Variants in PLPPR1 observed in about 807,000 individuals in gnomAD.
PLPPR1 encodes the protein phospholipid phosphatase related 1.
A neutral mutation model predicts 33.1 loss-of-function variants in PLPPR1; 10 were observed. The ratio of observed to expected loss-of-function variants is 0.30; its 90% CI spans 0.19 to 0.51. The LOEUF (loss-of-function observed/expected upper bound fraction) is 0.51, where lower values mean the gene tolerates loss of function less well. PLPPR1 is among the 20% of genes least tolerant of loss of function. The pLI, the probability that PLPPR1 is intolerant of heterozygous loss-of-function variation, is 0.97. For missense variants in PLPPR1, 304 were observed against 408.1 expected, an observed-to-expected ratio of 0.74 and a Z score of 2.20; for synonymous variants, 151 against 151.0, an observed-to-expected ratio of 1.00 and a Z score of 0.00.
At chr9:101,118,674 C>A (rs1450447020) in intron 1 of PLPPR1, among the ~76,000 whole-genome samples, 1 of 152,216 alleles carries the variant, frequency 6.6e-6, no homozygotes, top group Non-Finnish European at 1.5e-5. Flanking sequence ...AGCCTGTAGA[C>A]AATGTTGATC....
At chr9:101,244,395 G>A (rs931325821) in intron 2 of PLPPR1, among the ~76,000 whole-genome samples, 18 of 151,908 alleles carry the variant, frequency 1.2e-4, no homozygotes, top group Admixed American at 2.0e-4. Flanking sequence ...ATAATTAATA[G>A]GGTTACAAGA....
chr9:101,109,212 G>A (rs1414479207), intron 1 of PLPPR1, among the ~76,000 whole-genome samples: 2 of 144,806 alleles, frequency 1.4e-5, no homozygotes, highest in South Asian at 2.2e-4. Flanking sequence ...CTGACGTCAC[G>A]ATCCGCCGGC....
intron 2 of PLPPR1, among the ~76,000 whole-genome samples, 161 bp downstream of exon 2, chr9:101,185,718 A>T (rs999711502): frequency 6.6e-6 from 1 of 151,912 alleles, no homozygotes; most frequent in Non-Finnish European, 1.5e-5. Flanking sequence ...AGTGTTTCTT[A>T]AATAGGAAGT....
chr9:101,090,176 A>G (rs540471481), intron 1 of PLPPR1, among the ~76,000 whole-genome samples: 2 of 152,064 alleles, frequency 1.3e-5, no homozygotes, highest in Non-Finnish European at 2.9e-5. Context: ...TTTTTATATA[A>G]CGACATGAGC....
At chr9:101,179,560 A>G (rs935182858) in intron 1 of PLPPR1, among the ~76,000 whole-genome samples, 18 of 152,128 alleles carry the variant, frequency 1.2e-4, no homozygotes, top group African/African-American at 4.1e-4. Context: ...TGTTAACTTT[A>G]TGTATTTGGG....
At chr9:101,221,565 C>G (rs2118791947) in intron 2 of PLPPR1, among the ~76,000 whole-genome samples, 1 of 152,266 alleles carries the variant, frequency 6.6e-6, no homozygotes, top group East Asian at 1.9e-4. Flanking sequence ...TTTTTGAGCA[C>G]TTACTGCATG....
chr9:101,288,065 C>A (rs28490420), intron 4 of PLPPR1, among the ~76,000 whole-genome samples: 7,775 of 152,058 alleles, frequency 0.051, 350 homozygotes, highest in African/African-American at 0.11. Flanking sequence ...CTTTTGTGAC[C>A]CACCCACTTG....
chr9:101,152,416 G>A (rs554002906), intron 1 of PLPPR1, among the ~76,000 whole-genome samples: 16 of 152,282 alleles, frequency 1.1e-4, no homozygotes, highest in African/African-American at 3.4e-4. Flanking sequence ...GATCCCATTT[G>A]TCAATTTTGG....
At chr9:101,169,982 G>GA (rs1445824107) in intron 1 of PLPPR1, among the ~76,000 whole-genome samples, 8 of 151,790 alleles carry the variant, frequency 5.3e-5, no homozygotes, top group Middle Eastern at 3.4e-3. Flanking sequence ...ACCTGCTGAG[G>GA]ATTGACCCAA....
In PLPPR1 at chr9:101,265,518, CACCAGTG is replaced by C. The variant is rs1461838092; in HGVS notation, c.64-4359_64-4353del. On this transcript the variant is annotated intron_variant, in intron 2 of 7. Coordinates refer to ENST00000374874, the MANE Select transcript of PLPPR1 (RefSeq NM_207299.2). ...CAGAGATAGCAAGTGTGCCAGCTGG[CACCAGTG>C]ACATAAACATAGACAGTGATAAATC... is the stretch of plus-strand genomic sequence containing the variant. 2.0e-5 allele frequency among the ~76,000 whole-genome samples: 3 copies of C among 152,278 alleles called. No individual in the cohort carries two copies. In the East Asian group the frequency reaches 5.8e-4, roughly 29 times the overall value.
chr9:101,300,516 C>T (rs1389291762), intron 4 of PLPPR1, among the ~76,000 whole-genome samples: 1 of 152,092 alleles, frequency 6.6e-6, no homozygotes, highest in African/African-American at 2.4e-5. Flanking sequence ...ATGCATCAAG[C>T]AGAGGGCAAC....
intron 2 of PLPPR1, among the ~76,000 whole-genome samples, chr9:101,269,133 A>G (rs1383387730): frequency 6.6e-6 from 1 of 152,212 alleles, no homozygotes; most frequent in Non-Finnish European, 1.5e-5. Context: ...GCTAAAAACT[A>G]TATCTAAACT....
At chr9:101,287,659 A>T (rs1423894603) in intron 4 of PLPPR1, among the ~76,000 whole-genome samples, 1 of 151,872 alleles carries the variant, frequency 6.6e-6, no homozygotes, top group African/African-American at 2.4e-5. Context: ...TGTCCCTAAG[A>T]CTGGATAATT....
chr9:101,265,838 T>C (rs925659276), intron 2 of PLPPR1, among the ~76,000 whole-genome samples: 1 of 151,648 alleles, frequency 6.6e-6, no homozygotes, highest in African/African-American at 2.4e-5. Flanking sequence ...CTACTAAAAA[T>C]ACAAAAAATT....
At chr9:101,180,135 TATATATATACACAC>T (rs1564167582) in intron 1 of PLPPR1, among the ~76,000 whole-genome samples, 19 of 41,052 alleles carry the variant, frequency 4.6e-4, no homozygotes, top group African/African-American at 2.5e-3. Flanking sequence ...TATATATATA[TATATATATACACAC>T]ACACACACAC....
At chr9:101,088,847 C>T (rs571969843) in intron 1 of PLPPR1, among the ~76,000 whole-genome samples, 1 of 152,260 alleles carries the variant, frequency 6.6e-6, no homozygotes, top group African/African-American at 2.4e-5. Flanking sequence ...GTCTAAAAAT[C>T]TCCTTTATAA....
chr9:101,102,854 G>A (rs1314640903), intron 1 of PLPPR1, among the ~76,000 whole-genome samples: 1 of 96,610 alleles, frequency 1.0e-5, no homozygotes, highest in African/African-American at 4.5e-5. Context: ...GGTGTGAGAT[G>A]ATATCTCATA....
rs138223152 is a variant in PLPPR1, at chr9:101,218,395, G to T, written c.63+32838G>T. Among the ~76,000 whole-genome samples the T allele has an allele frequency of 2.0e-5, 3 of 152,272 alleles. No individual in the cohort carries two copies. In the East Asian group the frequency reaches 5.8e-4, roughly 29 times the overall value. ...AATACAGTCTTTGAGTTCCAACTCT[G>T]ACATCAGTCTAGTTCTGGGTGGGAC... On this transcript the variant is annotated intron_variant, in intron 2 of 7. Coordinates refer to ENST00000374874, the MANE Select transcript of PLPPR1 (RefSeq NM_207299.2).
intron 1 of PLPPR1, among the ~76,000 whole-genome samples, chr9:101,055,909 A>G (rs934937465): frequency 1.3e-5 from 2 of 152,196 alleles, no homozygotes; most frequent in South Asian, 2.1e-4. Flanking sequence ...TGCTTGGAAT[A>G]TATTTGGAAT....
Sources: gnomAD v4.1 joint callset for allele counts (sites outside exome capture counted in the v4.1 genomes callset) on GRCh38, gnomAD v4.1.1 for gene constraint, MANE v1.5 for transcripts, NCBI Gene and HGNC (gene_info 2026-07-23, HGNC 2026-07-21) for gene names.